METTL2B: variants seen among roughly 807,000 people sequenced by gnomAD.
METTL2B encodes the protein tRNA N(3)-cytidine methyltransferase METTL2B.
In METTL2B, 28 loss-of-function variants were observed where a neutral mutation model predicts 51.0. The observed-to-expected ratio is 0.55, with a 90% CI of 0.41 to 0.75. The LOEUF (loss-of-function observed/expected upper bound fraction) is 0.75, where lower values mean the gene tolerates loss of function less well. METTL2B is among the 30% of genes least tolerant of loss of function. The probability of loss-of-function intolerance (pLI) is 0.00; values close to 1 mark genes in which losing one functional copy is unlikely to be tolerated. For missense variants in METTL2B, 313 were observed against 460.7 expected (o/e 0.68, Z 2.93); for synonymous variants, 128 against 166.3 (o/e 0.77, Z 1.77).
At chr7:128,484,217 C>CTTTTTTTTTTTTGTTTTGTTTT (rs1428525341) in intron 4 of METTL2B, 1 of 42,412 alleles carries the variant, frequency 2.4e-5, no homozygotes, top group African/African-American at 1.0e-4. Context: ...TGCCTAGATC[C>CTTTTTTTTTTTTGTTTTGTTTT]TTTTTTTTTT....
chr7:128,501,839 C>A lies in METTL2B; in HGVS notation c.1060C>A (p.Arg354=). Residue 354 remains arginine, a synonymous_variant, in exon 9 of 9, where the codon CGA becomes AGA. Transcript: ENST00000262432. The stretch of plus-strand genomic sequence containing the variant: ...GGTGGACCGCCGACTGCAGGTGAAC[C>A]GAGGGAAGCAACTGACAATGTACCG... The part of the protein sequence containing the change: ...NLVDRRLQVN[R]GKQLTMYRVW... The A allele has an allele frequency of 6.2e-7, 1 of 1,614,178 alleles. No individual in the cohort carries two copies. Among genetic ancestry groups the A allele is most frequent in the Non-Finnish European group, 8.5e-7 (1 of 1,180,050 alleles).
chr7:128,500,324 T>TA (rs552800253), intron 7 of METTL2B, among the ~76,000 whole-genome samples: 13 of 151,800 alleles, frequency 8.6e-5, no homozygotes, highest in South Asian at 4.2e-4. Context: ...ATTGCTTAAT[T>TA]AAAGAAAAAA....
chr7:128,488,323 T>G, intron 5 of METTL2B, 162 bp downstream of exon 5: 1 of 905,460 alleles, frequency 1.1e-6, no homozygotes, highest in Non-Finnish European at 1.8e-6. Context: ...TTTATTGCAG[T>G]TCACTTTATC....
Position 128,504,404 on chromosome 7 carries a change from G to C in METTL2B, c.*2488G>C, listed in dbSNP as rs977574332. On this transcript the variant is annotated 3_prime_UTR_variant, in exon 9 of 9. Coordinates refer to ENST00000262432, the MANE Select transcript of METTL2B (RefSeq NM_018396.3). ...TTTCGCTCTTGTTGCCCAGGCTGGAGTACAATGGCACGATCTCGGCTCACT... is the reference window on the plus strand; with the variant it reads ...TTTCGCTCTTGTTGCCCAGGCTGGACTACAATGGCACGATCTCGGCTCACT... 1.4e-5 allele frequency: 2 copies of C among 144,740 alleles called. No homozygotes were observed. The highest frequency in any genetic ancestry group is 5.2e-5 in the African/African-American group (2 of 38,492). The allele number at this position is 144,740 out of a possible 1,614,324, so 9.0% of individuals were successfully genotyped here. A position where few individuals can be genotyped will look rare whatever the true frequency, so the allele number is the denominator to read the frequency against.
At position 128,502,094 on chromosome 7, in the gene METTL2B, C is replaced by A; in HGVS notation, c.*178C>A. The A allele has an allele frequency of 1.4e-6, 1 of 731,484 alleles. No individual in the cohort carries two copies. Among genetic ancestry groups the A allele is most frequent in the Non-Finnish European group, 2.1e-6 (1 of 467,584 alleles). The allele number at this position is 731,484 out of a possible 1,614,324, so 45.3% of individuals were successfully genotyped here. ...GGCAAAATAGCGAGAGACCCTGAAT[C>A]TGAAAGTAATGATAAAATAAAAAGA... is the stretch of plus-strand genomic sequence containing the variant. On this transcript the variant is annotated 3_prime_UTR_variant, in exon 9 of 9. Coordinates refer to ENST00000262432, the MANE Select transcript of METTL2B (RefSeq NM_018396.3).
intron 8 of METTL2B, chr7:128,501,367 A>G: frequency 3.0e-6 from 3 of 985,418 alleles, no homozygotes; most frequent in Non-Finnish European, 2.4e-6. Context: ...TGGCCCATCC[A>G]CAGGCTTCAT....
chr7:128,481,999 G>A (rs527667319), intron 4 of METTL2B, among the ~76,000 whole-genome samples: 19 of 152,102 alleles, frequency 1.2e-4, no homozygotes, highest in Non-Finnish European at 2.4e-4. Flanking sequence ...ATTTTAAAAG[G>A]AGAAGAAGAA....
At chr7:128,500,325 A>T (rs983177024) in intron 7 of METTL2B, among the ~76,000 whole-genome samples, 1 of 151,926 alleles carries the variant, frequency 6.6e-6, no homozygotes, top group Non-Finnish European at 1.5e-5. Flanking sequence ...TTGCTTAATT[A>T]AAGAAAAAAA....
In METTL2B at chr7:128,502,694, T is replaced by C. The variant is rs1167983786; in HGVS notation, c.*778T>C. 1.2e-5 allele frequency: 5 copies of C among 421,294 alleles called. No individual in the cohort carries two copies. Among genetic ancestry groups the C allele is most frequent in the East Asian group, 1.6e-4 (2 of 12,650 alleles). The allele number at this position is 421,294 out of a possible 1,614,324, so 26.1% of individuals were successfully genotyped here. A position where few individuals can be genotyped will look rare whatever the true frequency, so the allele number is the denominator to read the frequency against. On this transcript the variant is annotated 3_prime_UTR_variant, in exon 9 of 9. Transcript: ENST00000262432. ...CGGGCAGATCACCTGAGGTCAGGAG[T>C]TCGAGACCAGCGTGGCCAACATGGT...
rs1223325219 is a variant in METTL2B, at chr7:128,502,616, C to A, written c.*700C>A. The stretch of plus-strand genomic sequence containing the variant: ...CGTGGTCTTTGCTTTAATCTTAGTT[C>A]CGCCAGGCACGGTGGCTCACACCTG... On this transcript the variant is annotated 3_prime_UTR_variant, in exon 9 of 9. Coordinates refer to ENST00000262432, the MANE Select transcript of METTL2B (RefSeq NM_018396.3). 4.4e-6 allele frequency: 2 copies of A among 453,642 alleles called. No homozygotes were observed. The highest frequency in any genetic ancestry group is 4.0e-5 in the African/African-American group (2 of 49,872). The allele number at this position is 453,642 out of a possible 1,614,324, so 28.1% of individuals were successfully genotyped here. A position where few individuals can be genotyped will look rare whatever the true frequency, so the allele number is the denominator to read the frequency against.
intron 2 of METTL2B, 142 bp from the exon 3 acceptor site, chr7:128,479,016 T>C: frequency 1.1e-6 from 1 of 871,914 alleles, no homozygotes; most frequent in Non-Finnish European, 1.7e-6. Context: ...ACCTCAGAAA[T>C]GCCTTCAGTT....
chr7:128,484,217 C>CTTTTTTTTTTTTGTTTTGT (rs1428525341), intron 4 of METTL2B: 9 of 42,412 alleles, frequency 2.1e-4, no homozygotes, highest in African/African-American at 8.0e-4. Context: ...TGCCTAGATC[C>CTTTTTTTTTTTTGTTTTGT]TTTTTTTTTT....
intron 4 of METTL2B, among the ~76,000 whole-genome samples, chr7:128,484,990 CTCCCCATT>C (rs1408626363): frequency 2.0e-5 from 3 of 152,170 alleles, no homozygotes; most frequent in Non-Finnish European, 4.4e-5. Context: ...TTAGCAGTCA[CTCCCCATT>C]TCCCAATTTC....
At chr7:128,485,448 G>C (rs1792683643) in intron 4 of METTL2B, among the ~76,000 whole-genome samples, 1 of 152,128 alleles carries the variant, frequency 6.6e-6, no homozygotes, top group South Asian at 2.1e-4. Flanking sequence ...CAGATCACAA[G>C]GTCAGGAGAT....
At chr7:128,477,732 C>T (rs1421323410) in intron 2 of METTL2B, among the ~76,000 whole-genome samples, 5 of 151,668 alleles carry the variant, frequency 3.3e-5, no homozygotes, top group Non-Finnish European at 7.4e-5. Flanking sequence ...GATGATTTCA[C>T]TGCAAAATAT....
At position 128,505,234 on chromosome 7, in the gene METTL2B, C is replaced by T. The variant is rs1793105385; in HGVS notation, c.*3318C>T. ...AGTGAGCCGAGATCGCACCATTGCA[C>T]TCCAGCCTGGGCAACAGTGAGACTC... is the stretch of plus-strand genomic sequence containing the variant. On this transcript the variant is annotated 3_prime_UTR_variant, in exon 9 of 9. Transcript: ENST00000262432. 6.6e-6 allele frequency: 1 copy of T among 152,220 alleles called. No homozygotes were observed. The highest frequency in any genetic ancestry group is 1.5e-5 in the Non-Finnish European group (1 of 68,142). The allele number at this position is 152,220 out of a possible 1,614,324, so 9.4% of individuals were successfully genotyped here. A position where few individuals can be genotyped will look rare whatever the true frequency, so the allele number is the denominator to read the frequency against.
chr7:128,493,913 T>A lies in METTL2B; in HGVS notation c.779T>A (p.Ile260Lys). 4 of 1,602,698 alleles carry A rather than the reference T, an allele frequency of 2.5e-6. No homozygotes were observed. Among genetic ancestry groups the A allele is most frequent in the Non-Finnish European group, 3.4e-6 (4 of 1,176,374 alleles). ...PKGSLDIIIL[I>K]FVLSAVVPDK... ...GGCAGTCTTGATATTATCATTCTCA[T>A]ATTTGTTCTTTCAGCAGTTGTTCCA... Residue 260 changes from isoleucine to lysine, a missense_variant, in exon 6 of 9, where the codon ATA (isoleucine) becomes AAA (lysine). Physicochemically the swap from Ile to Lys is moderately radical, Grantham distance 102 (BLOSUM62 -3). Around this residue, in one of 4 missense-constraint regions of METTL2B, gnomAD observed 138 missense variants for 187.6 expected, o/e 0.74. Coordinates refer to ENST00000262432, the MANE Select transcript of METTL2B (RefSeq NM_018396.3).
rs1303486779 is a variant in METTL2B, at chr7:128,479,234, A to G, written c.279A>G (p.Arg93=). ...KIHENGFFKD[R]HWLFTEFPEL... ...ACGAAAATGGGTTTTTCAAGGATAG[A>G]CATTGGCTTTTTACCGAATTCCCTG... Residue 93 remains arginine, a synonymous_variant, in exon 3 of 9, where the codon AGA becomes AGG. Transcript: ENST00000262432. The G allele has an allele frequency of 3.7e-6, 6 of 1,614,248 alleles. No homozygotes were observed. The highest frequency in any genetic ancestry group is 1.6e-4 in the Middle Eastern group (1 of 6,062).
intron 6 of METTL2B, among the ~76,000 whole-genome samples, chr7:128,497,201 G>T (rs1211895683): frequency 6.6e-5 from 10 of 152,148 alleles, no homozygotes; most frequent in African/African-American, 2.4e-4. Flanking sequence ...TATGGAAAGC[G>T]CAGACCTAAG....
Sources: allele counts gnomAD v4.1 joint callset (sites outside exome capture counted in the v4.1 genomes callset), GRCh38; gene constraint gnomAD v4.1.1; regional missense constraint gnomAD v4.1.1; transcripts MANE v1.5; gene names NCBI Gene and HGNC (gene_info 2026-07-23, HGNC 2026-07-21).